Variants in KCNH8 observed in about 807,000 individuals in gnomAD.
KCNH8 encodes the protein voltage-gated delayed rectifier potassium channel KCNH8.
Under a neutral mutation model 103.6 loss-of-function variants are expected in KCNH8, and 70 were observed. That is an observed-to-expected ratio of 0.68 (90% CI 0.56 to 0.82). The LOEUF (loss-of-function observed/expected upper bound fraction) is 0.82, where lower values mean the gene tolerates loss of function less well. KCNH8 is among the 40% of genes least tolerant of loss of function. KCNH8 has a pLI of 0.00. For synonymous variants in KCNH8, 498 were observed against 489.4 expected (o/e 1.02, Z -0.23); for missense variants, 1,217 against 1,329.9 (o/e 0.92, Z 1.32).
chr3:19,198,664 C>G lies in KCNH8; in HGVS notation c.76+49869C>G, dbSNP rs868025412. Among the ~76,000 whole-genome samples, 8 of 152,106 alleles carry G rather than the reference C, an allele frequency of 5.3e-5. No individual in the cohort carries two copies. In the South Asian group the frequency reaches 1.2e-3, roughly 24 times the overall value. On this transcript the variant is annotated intron_variant, in intron 1 of 15. Coordinates refer to ENST00000328405, the MANE Select transcript of KCNH8 (RefSeq NM_144633.3). ...TTAATATGATAGTGACCCTTCCTTA[C>G]CCCAAGAACAAAAAAATTTTCCAAA...
chr3:19,371,115 G>T (rs948513774), intron 5 of KCNH8, among the ~76,000 whole-genome samples: 1 of 151,526 alleles, frequency 6.6e-6, no homozygotes, highest in Non-Finnish European at 1.5e-5. Flanking sequence ...AATCCTTTGG[G>T]TATATACCCA....
At chr3:19,407,112 A>C (rs1221067101) in intron 7 of KCNH8, among the ~76,000 whole-genome samples, 1 of 152,162 alleles carries the variant, frequency 6.6e-6, no homozygotes, top group Non-Finnish European at 1.5e-5. Flanking sequence ...ATGTCTTTTT[A>C]AAAATTACTT....
intron 5 of KCNH8, among the ~76,000 whole-genome samples, chr3:19,351,820 T>A (rs185444698): frequency 4.6e-5 from 7 of 152,222 alleles, no homozygotes; most frequent in African/African-American, 1.7e-4. Context: ...GGGAAGAAAC[T>A]GCGTCAACTA....
At chr3:19,346,182 G>A (rs935850492) in intron 4 of KCNH8, among the ~76,000 whole-genome samples, 3 of 152,152 alleles carry the variant, frequency 2.0e-5, no homozygotes, top group Admixed American at 2.0e-4. Flanking sequence ...AACTTGAAGT[G>A]TTTATCAGTG....
At chr3:19,349,387 A>G (rs187189536) in intron 5 of KCNH8, among the ~76,000 whole-genome samples, 3 of 152,022 alleles carry the variant, frequency 2.0e-5, no homozygotes, top group Non-Finnish European at 2.9e-5. Context: ...CACATAAATT[A>G]GCATCATAAA....
intron 4 of KCNH8, chr3:19,346,681 T>C (rs1464846315): frequency 2.2e-6 from 1 of 456,284 alleles, no homozygotes; most frequent in African/African-American, 2.0e-5. Flanking sequence ...CACATCACAT[T>C]AATCTGCCCT....
chr3:19,292,283 C>G (rs2064939480), intron 3 of KCNH8, among the ~76,000 whole-genome samples: 1 of 152,164 alleles, frequency 6.6e-6, no homozygotes, highest in Non-Finnish European at 1.5e-5. Flanking sequence ...AAAGTGAGCA[C>G]TTCAAATTTG....
At chr3:19,337,760 C>T (rs1379175686) in intron 3 of KCNH8, among the ~76,000 whole-genome samples, 3 of 152,052 alleles carry the variant, frequency 2.0e-5, no homozygotes, top group Non-Finnish European at 4.4e-5. Flanking sequence ...AAACAGGCTC[C>T]TGAGTAATCT....
At chr3:19,457,887 CAGTA>C (rs2067558930) in intron 11 of KCNH8, among the ~76,000 whole-genome samples, 1 of 151,926 alleles carries the variant, frequency 6.6e-6, no homozygotes, top group Non-Finnish European at 1.5e-5. Context: ...TATCTAATGA[CAGTA>C]AGTATGTAGA....
At chr3:19,151,190 AT>A (rs778455778) in intron 1 of KCNH8, among the ~76,000 whole-genome samples, 1 of 151,984 alleles carries the variant, frequency 6.6e-6, no homozygotes, top group African/African-American at 2.4e-5. Flanking sequence ...CAGTTTTGTA[AT>A]TACTATCTCT....
At chr3:19,150,492 G>C (rs2063118480) in intron 1 of KCNH8, among the ~76,000 whole-genome samples, 1 of 152,086 alleles carries the variant, frequency 6.6e-6, no homozygotes, top group South Asian at 2.1e-4. Flanking sequence ...AATGTGTAGT[G>C]AATCATCCCA....
At chr3:19,452,220 C>T (rs2067459324) in intron 10 of KCNH8, among the ~76,000 whole-genome samples, 1 of 151,988 alleles carries the variant, frequency 6.6e-6, no homozygotes, top group African/African-American at 2.4e-5. Context: ...CCTGTCTCTA[C>T]TAAAAATACA....
At chr3:19,360,239 G>A (rs986991428) in intron 5 of KCNH8, among the ~76,000 whole-genome samples, 1 of 151,998 alleles carries the variant, frequency 6.6e-6, no homozygotes, top group Non-Finnish European at 1.5e-5. Context: ...AGGTTTGCTG[G>A]GTTATTGTTT....
chr3:19,261,234 C>G (rs757860082), intron 2 of KCNH8, among the ~76,000 whole-genome samples: 3 of 151,542 alleles, frequency 2.0e-5, no homozygotes, highest in Non-Finnish European at 4.4e-5. Flanking sequence ...GAAGGGTTCC[C>G]TTTTCTCTGC....
rs961509888 is a variant in KCNH8, at chr3:19,231,389, A to T, written c.77-22265A>T. Among the ~76,000 whole-genome samples the T allele has an allele frequency of 2.0e-5, 3 of 152,194 alleles. No individual in the cohort carries two copies. The South Asian group carries it at 6.2e-4, about 32-fold the overall frequency. ...AGATAAACTGTAACTTCTTTTGAGT[A>T]AATAAGAAAGATGAGAGAAAATCTG... On this transcript the variant is annotated intron_variant, in intron 1 of 15. Coordinates refer to ENST00000328405, the MANE Select transcript of KCNH8 (RefSeq NM_144633.3).
At chr3:19,309,603 A>G (rs12637672) in intron 3 of KCNH8, among the ~76,000 whole-genome samples, 45,979 of 151,778 alleles carry the variant, frequency 0.3, 7,438 homozygotes, top group African/African-American at 0.41. Context: ...TCTATATAGT[A>G]AGATAGAGCT....
intron 5 of KCNH8, among the ~76,000 whole-genome samples, chr3:19,385,454 A>G (rs2066343923): frequency 6.6e-6 from 1 of 152,182 alleles, no homozygotes; most frequent in South Asian, 2.1e-4. Context: ...ACCAGCATCA[A>G]CTATGCCTCA....
chr3:19,281,324 A>G lies in KCNH8; in HGVS notation c.437A>G (p.Lys146Arg). The G allele has an allele frequency of 4.4e-6, 7 of 1,599,982 alleles. No homozygotes were observed. Among genetic ancestry groups the G allele is most frequent in the Non-Finnish European group, 5.1e-6 (6 of 1,175,222 alleles). Residue 146 changes from lysine to arginine, a missense_variant, in exon 3 of 16, where the codon AAA becomes AGA. Coordinates refer to ENST00000328405, the MANE Select transcript of KCNH8 (RefSeq NM_144633.3). ...GTGAAGATTACTCCAGAAGATAAAA[A>G]AGAAGGTTTGTACCGTTTTCAGAAA... ...TKVKITPEDK[K>R]EDKVKGRSRA... is the part of the protein sequence containing the mutation.
At chr3:19,335,323 T>C (rs1312760168) in intron 3 of KCNH8, among the ~76,000 whole-genome samples, 1 of 151,758 alleles carries the variant, frequency 6.6e-6, no homozygotes, top group East Asian at 1.9e-4. Context: ...GCATAAATGC[T>C]ACATGAGATT....
Sources: allele counts gnomAD v4.1 joint callset (sites outside exome capture counted in the v4.1 genomes callset), GRCh38; gene constraint gnomAD v4.1.1; transcripts MANE v1.5; gene names NCBI Gene and HGNC (gene_info 2026-07-23, HGNC 2026-07-21).